Variants in EYA1 observed in about 807,000 individuals in gnomAD.
EYA1 encodes the protein EYA transcriptional coactivator and phosphatase 1, also known as protein phosphatase EYA1.
In EYA1, 16 loss-of-function variants were observed where a neutral mutation model predicts 82.0. The ratio of observed to expected loss-of-function variants is 0.20; its 90% CI spans 0.13 to 0.30. The LOEUF is 0.30. Among genes scored for constraint, EYA1 ranks in the 10% least tolerant of loss-of-function variants. The pLI is 1.00. For missense variants in EYA1, 633 were observed against 730.7 expected (o/e 0.87, Z 1.54); for synonymous variants, 261 against 264.4 (o/e 0.99, Z 0.12).
chr8:71,204,731 T>C (rs2380714), intron 17 of EYA1, among the ~76,000 whole-genome samples: 54,929 of 152,164 alleles, frequency 0.36, 10,544 homozygotes, highest in East Asian at 0.77. Context: ...CATGTGCACA[T>C]ATAACATTTA....
At chr8:71,497,078 G>A (rs1053623966) in intron 2 of EYA1, among the ~76,000 whole-genome samples, 1 of 152,162 alleles carries the variant, frequency 6.6e-6, no homozygotes, top group East Asian at 1.9e-4. Flanking sequence ...CAAGAAAATG[G>A]GGAAAATATT....
chr8:71,363,995 T>G (rs1382407559), upstream of EYA1, among the ~76,000 whole-genome samples: 1 of 152,050 alleles, frequency 6.6e-6, no homozygotes, highest in Admixed American at 6.5e-5. Flanking sequence ...GTCACATTTA[T>G]ATACAAGTTA....
chr8:71,237,473 C>T (rs1324603068), intron 12 of EYA1, among the ~76,000 whole-genome samples: 2 of 152,088 alleles, frequency 1.3e-5, no homozygotes, highest in Non-Finnish European at 2.9e-5. Context: ...TTATATTTGG[C>T]TCAGTTGTGT....
At chr8:71,507,997 T>C (rs184355830) in intron 2 of EYA1, among the ~76,000 whole-genome samples, 2 of 152,182 alleles carry the variant, frequency 1.3e-5, no homozygotes, top group Non-Finnish European at 2.9e-5. Flanking sequence ...TGGCCAACTT[T>C]GTCAGTTAAT....
At chr8:71,516,084 A>G (rs973753925) in intron 2 of EYA1, among the ~76,000 whole-genome samples, 4 of 152,138 alleles carry the variant, frequency 2.6e-5, no homozygotes, top group Non-Finnish European at 5.9e-5. Context: ...TACACATGGA[A>G]GACTGTAATG....
rs780636078 is a variant in EYA1, at chr8:71,199,308, G to A, written c.*32C>T. 1.4e-5 allele frequency: 21 copies of A among 1,502,394 alleles called. No homozygotes were observed. Among genetic ancestry groups the A allele is most frequent in the Non-Finnish European group, 1.9e-5 (21 of 1,086,030 alleles). 93.1% of individuals were successfully genotyped at this position (1,502,394 alleles called of 1,614,324 possible). On this transcript the variant is annotated 3_prime_UTR_variant, in exon 18 of 18. Transcript: ENST00000340726. The stretch of plus-strand genomic sequence containing the variant: ...TGCTGGATCTGTCCCTGGTCACAGA[G>A]CAGCTGTGCGCTGTCAAAGTGCCGA...
At chr8:71,387,184 C>T (rs1253751743) in intron 2 of EYA1, among the ~76,000 whole-genome samples, 1 of 151,858 alleles carries the variant, frequency 6.6e-6, no homozygotes, top group Non-Finnish European at 1.5e-5. Context: ...GTAGGGAAAG[C>T]ATGACAGTCA....
At chr8:71,503,527 C>T (rs997438231) in intron 2 of EYA1, among the ~76,000 whole-genome samples, 1 of 151,556 alleles carries the variant, frequency 6.6e-6, no homozygotes, top group Non-Finnish European at 1.5e-5. Context: ...GATGGGATGT[C>T]CAGAATAAAG....
chr8:71,537,466 G>A (rs1029168634), intron 1 of EYA1, among the ~76,000 whole-genome samples: 2 of 152,186 alleles, frequency 1.3e-5, no homozygotes, highest in Admixed American at 6.5e-5. Flanking sequence ...CATTGCTTAA[G>A]TTACTCTTAG....
chr8:71,497,799 T>C (rs940350527), intron 2 of EYA1, among the ~76,000 whole-genome samples: 1 of 152,214 alleles, frequency 6.6e-6, no homozygotes, highest in Non-Finnish European at 1.5e-5. Flanking sequence ...ATAGCCGAGT[T>C]ATAAAATCAA....
At chr8:71,351,135 T>A (rs1283503134) in intron 3 of EYA1, among the ~76,000 whole-genome samples, 1 of 152,046 alleles carries the variant, frequency 6.6e-6, no homozygotes, top group African/African-American at 2.4e-5. Flanking sequence ...TTCTATTCCA[T>A]CTTGGCCTCC....
chr8:71,243,548 T>A (rs1162760941), intron 12 of EYA1, among the ~76,000 whole-genome samples: 2 of 152,228 alleles, frequency 1.3e-5, no homozygotes, highest in Admixed American at 6.5e-5. Context: ...GCATATTTAA[T>A]AACTTTATTG....
intron 2 of EYA1, among the ~76,000 whole-genome samples, chr8:71,396,025 T>C (rs940916614): frequency 1.3e-5 from 2 of 152,090 alleles, no homozygotes; most frequent in Non-Finnish European, 2.9e-5. Flanking sequence ...CTTGGGAGGG[T>C]GTATGTGTCG....
intron 1 of EYA1, among the ~76,000 whole-genome samples, chr8:71,546,511 ATTT>A (rs35757925): frequency 7.2e-6 from 1 of 138,526 alleles, no homozygotes; most frequent in African/African-American, 2.7e-5. Context: ...ACTGATTCTT[ATTT>A]TTTTTTTTTT....
chr8:71,210,878 T>A (rs948489555), intron 17 of EYA1, among the ~76,000 whole-genome samples: 1 of 152,248 alleles, frequency 6.6e-6, no homozygotes, highest in African/African-American at 2.4e-5. Context: ...GTGTTATCTC[T>A]GCTCTGGATG....
chr8:71,527,835 T>C (rs1325215032), intron 2 of EYA1, among the ~76,000 whole-genome samples: 1 of 152,228 alleles, frequency 6.6e-6, no homozygotes, highest in East Asian at 1.9e-4. Flanking sequence ...TAAGAGATTT[T>C]CTGGCCCTGG....
chr8:71,346,448 A>C lies in EYA1; in HGVS notation c.124+8334T>G, dbSNP rs5892269. 3.2e-3 allele frequency among the ~76,000 whole-genome samples: 434 copies of C among 135,284 alleles called. 5 individuals carry two copies. Among genetic ancestry groups the C allele is most frequent in the African/African-American group, 0.011 (378 of 32,924 alleles). 88.8% of individuals were successfully genotyped at this position (135,284 alleles called of 152,430 possible). ...CTGCAGTGAATATATATATATATAT[A>C]TATATATCTATATATATCCTTCTCC... On this transcript the variant is annotated intron_variant, in intron 3 of 17. Transcript: ENST00000340726.
intron 17 of EYA1, among the ~76,000 whole-genome samples, chr8:71,210,772 T>C (rs540705837): frequency 6.6e-6 from 1 of 152,340 alleles, no homozygotes; most frequent in East Asian, 1.9e-4. Flanking sequence ...CTGAAGGATG[T>C]TTGAAAGGTT....
At chr8:71,420,511 A>G (rs1391265574) in intron 2 of EYA1, among the ~76,000 whole-genome samples, 3 of 152,208 alleles carry the variant, frequency 2.0e-5, no homozygotes, top group African/African-American at 7.2e-5. Flanking sequence ...ATGTACCACT[A>G]TGTCTACTTT....
Sources: gnomAD v4.1 joint callset for allele counts (sites outside exome capture counted in the v4.1 genomes callset) on GRCh38, gnomAD v4.1.1 for gene constraint, MANE v1.5 for transcripts, NCBI Gene and HGNC (gene_info 2026-07-23, HGNC 2026-07-21) for gene names.